CLPB: variants seen among roughly 807,000 people sequenced by gnomAD.
CLPB encodes ClpB family mitochondrial disaggregase.
A neutral mutation model predicts 78.4 loss-of-function variants in CLPB; 40 were observed. That is an observed-to-expected ratio of 0.51 (90% CI 0.40 to 0.66). The LOEUF is 0.66. Ranked by LOEUF, CLPB falls within the 30% of genes least tolerant of loss-of-function variation. The probability of loss-of-function intolerance (pLI) is 0.00; values close to 1 mark genes in which losing one functional copy is unlikely to be tolerated. For missense variants in CLPB, 780 were observed against 886.9 expected (o/e 0.88, Z 1.53); for synonymous variants, 333 against 348.0 (o/e 0.96, Z 0.48).
At chr11:72,314,940 G>T (rs566876519) in intron 7 of CLPB, among the ~76,000 whole-genome samples, 1 of 152,322 alleles carries the variant, frequency 6.6e-6, no homozygotes, top group South Asian at 2.1e-4. Context: ...GTTTTAAACA[G>T]GAGTGGTACT....
intron 4 of CLPB, among the ~76,000 whole-genome samples, chr11:72,362,728 C>T (rs187850930): frequency 6.6e-6 from 1 of 152,332 alleles, no homozygotes; most frequent in Admixed American, 6.5e-5. Context: ...GGGTACAGTG[C>T]CTAGCATATA....
At chr11:72,429,332 A>G (rs1413812625) in intron 2 of CLPB, among the ~76,000 whole-genome samples, 1 of 152,246 alleles carries the variant, frequency 6.6e-6, no homozygotes, top group East Asian at 1.9e-4. Flanking sequence ...TTGAGAATCA[A>G]TAATAATGCT....
chr11:72,309,118 A>G (rs1949797774), intron 7 of CLPB, among the ~76,000 whole-genome samples: 1 of 152,156 alleles, frequency 6.6e-6, no homozygotes, highest in African/African-American at 2.4e-5. Context: ...CAGAAAGTGG[A>G]AACACAGCCA....
At chr11:72,373,796 A>G (rs1326748687) in intron 4 of CLPB, among the ~76,000 whole-genome samples, 1 of 151,918 alleles carries the variant, frequency 6.6e-6, no homozygotes, top group African/African-American at 2.4e-5. Context: ...AAGTATTAGT[A>G]AAATAAAAAT....
chr11:72,291,392 C>T lies in CLPB; in HGVS notation c.*1975G>A, dbSNP rs557054036. ...GCGTGATTTCAGCTCACTGCAACCTCCGCCTCCTGGGCTCAAGTGATTCTC... is the reference window on the plus strand; with the variant it reads ...GCGTGATTTCAGCTCACTGCAACCTTCGCCTCCTGGGCTCAAGTGATTCTC... On this transcript the variant is annotated 3_prime_UTR_variant, in exon 16 of 16. Transcript: ENST00000538039. 3 of 152,330 alleles carry T rather than the reference C, an allele frequency of 2.0e-5. No homozygotes were observed. The South Asian group carries it at 6.2e-4, about 32-fold the overall frequency. The allele number at this position is 152,330 out of a possible 1,614,324, so 9.4% of individuals were successfully genotyped here.
intron 2 of CLPB, among the ~76,000 whole-genome samples, chr11:72,414,600 C>T (rs1855967173): frequency 6.6e-6 from 1 of 152,222 alleles, no homozygotes; most frequent in South Asian, 2.1e-4. Flanking sequence ...GTAACATCTC[C>T]AAGCTAGCCT....
intron 4 of CLPB, 131 bp from the exon 5 acceptor site, chr11:72,359,139 A>G (rs959047263): frequency 2.1e-6 from 3 of 1,399,342 alleles, no homozygotes; most frequent in Non-Finnish European, 3.0e-6. Context: ...GGCACCTACT[A>G]TGTTCCTGGC....
intron 3 of CLPB, among the ~76,000 whole-genome samples, chr11:72,382,679 C>T (rs186232154): frequency 6.6e-6 from 1 of 152,306 alleles, no homozygotes; most frequent in East Asian, 1.9e-4. Flanking sequence ...ACAAGATGGC[C>T]TGCCCAGAAT....
At chr11:72,421,779 A>T (rs1314373420) in intron 2 of CLPB, among the ~76,000 whole-genome samples, 1 of 152,220 alleles carries the variant, frequency 6.6e-6, no homozygotes, top group Non-Finnish European at 1.5e-5. Context: ...GAAGCTGCTA[A>T]TCCAACCTTT....
intron 5 of CLPB, chr11:72,333,009 A>G (rs1339202687): frequency 1.3e-5 from 2 of 152,180 alleles, no homozygotes; most frequent in Non-Finnish European, 2.9e-5. Context: ...TTTATTGAGC[A>G]CTTACTCTGT....
intron 5 of CLPB, among the ~76,000 whole-genome samples, chr11:72,342,879 T>C (rs1231176972): frequency 2.0e-5 from 3 of 152,174 alleles, no homozygotes; most frequent in Non-Finnish European, 4.4e-5. Flanking sequence ...TACGTCTGCT[T>C]CCATCTAACA....
At chr11:72,409,307 C>T (rs1590912188) in intron 2 of CLPB, among the ~76,000 whole-genome samples, 2 of 151,948 alleles carry the variant, frequency 1.3e-5, no homozygotes, top group South Asian at 2.1e-4. Context: ...GTTGAAGCCA[C>T]GCATGGTGGC....
At chr11:72,340,890 G>A (rs969993299) in intron 5 of CLPB, among the ~76,000 whole-genome samples, 6 of 152,282 alleles carry the variant, frequency 3.9e-5, no homozygotes, top group African/African-American at 7.2e-5. Flanking sequence ...TCGCTCTGTC[G>A]TCCACGCTGG....
intron 13 of CLPB, 62 bp downstream of exon 13, chr11:72,294,558 G>A (rs1949514962): frequency 1.2e-6 from 2 of 1,605,550 alleles, no homozygotes; most frequent in Admixed American, 1.7e-5. Context: ...TCTTTAGGAT[G>A]GCTAAGATCA....
chr11:72,323,565 C>CA (rs371241451), intron 6 of CLPB, among the ~76,000 whole-genome samples: 15,723 of 68,368 alleles, frequency 0.23, 1,368 homozygotes, highest in Middle Eastern at 0.31. Context: ...GACTCCATCT[C>CA]AAAAAAAAAA....
At chr11:72,337,676 G>GT (rs1294914322) in intron 5 of CLPB, among the ~76,000 whole-genome samples, 1 of 152,124 alleles carries the variant, frequency 6.6e-6, no homozygotes, top group African/African-American at 2.4e-5. Flanking sequence ...ATAATAAAAA[G>GT]TATTTTTTTA....
Position 72,402,968 on chromosome 11 carries a change from G to A in CLPB, c.540C>T (p.Asn180=). The A allele has an allele frequency of 6.2e-7, 1 of 1,613,840 alleles. No homozygotes were observed. Among genetic ancestry groups the A allele is most frequent in the South Asian group, 1.1e-5 (1 of 91,062 alleles). The change falls in exon 3 of 16, where the codon AAC becomes AAT. Residue 180 remains asparagine, a splice_region_variant and synonymous_variant. Transcript: ENST00000538039. ...ALMVAAINRN[N]SVVQVLLAAG... is the part of the protein sequence containing the mutation. Reference sequence around the variant, plus strand: ...CTGTGTGGAAGGTGGTCTCTCACCTGTTGTTTCGGTTGATGGCTGCCACCA... The same window carrying A: ...CTGTGTGGAAGGTGGTCTCTCACCTATTGTTTCGGTTGATGGCTGCCACCA...
At chr11:72,329,177 G>A (rs187840729) in intron 6 of CLPB, among the ~76,000 whole-genome samples, 74 of 152,314 alleles carry the variant, frequency 4.9e-4, no homozygotes, top group Admixed American at 2.7e-3. Flanking sequence ...CAAAAGTTTG[G>A]TTGGGAAAAC....
chr11:72,407,072 AC>A (rs1366642437), intron 2 of CLPB, among the ~76,000 whole-genome samples: 2 of 152,158 alleles, frequency 1.3e-5, no homozygotes, highest in Non-Finnish European at 2.9e-5. Flanking sequence ...TCCCAGGCAT[AC>A]CCGCCCAGGG....
Sources: gnomAD v4.1 joint callset for allele counts (sites outside exome capture counted in the v4.1 genomes callset) on GRCh38, gnomAD v4.1.1 for gene constraint, MANE v1.5 for transcripts, NCBI Gene and HGNC (gene_info 2026-07-23, HGNC 2026-07-21) for gene names.